PDE4B: variants seen among roughly 807,000 people sequenced by gnomAD.
The protein encoded by PDE4B is 3',5'-cyclic-AMP phosphodiesterase 4B.
Under a neutral mutation model 82.2 loss-of-function variants are expected in PDE4B, and 20 were observed. That is an observed-to-expected ratio of 0.24 (90% CI 0.17 to 0.35). The LOEUF (loss-of-function observed/expected upper bound fraction) is 0.35, where lower values mean the gene tolerates loss of function less well. PDE4B is among the 10% of genes least tolerant of loss of function. The probability of loss-of-function intolerance (pLI) is 1.00; values close to 1 mark genes in which losing one functional copy is unlikely to be tolerated. For missense variants in PDE4B, 655 were observed against 907.2 expected (o/e 0.72, Z 3.57); for synonymous variants, 320 against 318.9 (o/e 1.00, Z -0.04).
intron 3 of PDE4B, among the ~76,000 whole-genome samples, chr1:66,018,655 T>C (rs1652914753): frequency 6.6e-6 from 1 of 152,146 alleles, no homozygotes; most frequent in Non-Finnish European, 1.5e-5. Context: ...ATTCTTCAAA[T>C]AATTCAATTT....
Position 66,336,651 on chromosome 1 carries a change from C to CT in PDE4B, c.747+4040dup, listed in dbSNP as rs5774809. 1.9e-4 allele frequency among the ~76,000 whole-genome samples: 29 copies of CT among 151,710 alleles called. No homozygotes were observed. In the South Asian group the frequency reaches 2.3e-3, roughly 12 times the overall value. ...TGAAGAGTGGCCCTGTGTATTAGTA[C>CT]TTTTTTTTTAGAATGAAGCATTAGG... is the stretch of plus-strand genomic sequence containing the variant. On this transcript the variant is annotated intron_variant, in intron 8 of 16. Coordinates refer to ENST00000341517, the MANE Select transcript of PDE4B (RefSeq NM_002600.4).
chr1:65,934,576 C>A (rs1274986417), intron 3 of PDE4B, among the ~76,000 whole-genome samples: 3 of 152,094 alleles, frequency 2.0e-5, no homozygotes, highest in Non-Finnish European at 4.4e-5. Flanking sequence ...ATTCCTCAAC[C>A]AAAAGACAAA....
At chr1:65,892,974 C>G (rs2100392081) in intron 1 of PDE4B, among the ~76,000 whole-genome samples, 1 of 151,846 alleles carries the variant, frequency 6.6e-6, no homozygotes, top group African/African-American at 2.4e-5. Flanking sequence ...ATAAACATTA[C>G]CATGAAAGTA....
intron 3 of PDE4B, among the ~76,000 whole-genome samples, chr1:65,983,097 G>A (rs1650771827): frequency 6.6e-6 from 1 of 152,180 alleles, no homozygotes; most frequent in Non-Finnish European, 1.5e-5. Context: ...TTCGTGCTAG[G>A]TTTTGGACTT....
At chr1:66,064,298 C>T (rs1655732020) in intron 3 of PDE4B, among the ~76,000 whole-genome samples, 1 of 151,654 alleles carries the variant, frequency 6.6e-6, no homozygotes, top group Non-Finnish European at 1.5e-5. Context: ...AGTGGGAAGC[C>T]TAGGTCTGAA....
At chr1:66,119,460 G>A (rs1645664434) in intron 3 of PDE4B, among the ~76,000 whole-genome samples, 1 of 151,524 alleles carries the variant, frequency 6.6e-6, no homozygotes, top group African/African-American at 2.4e-5. Flanking sequence ...TCAGACTGTA[G>A]AGAGAAAAGA....
At chr1:66,164,819 C>G (rs911480775) in intron 3 of PDE4B, among the ~76,000 whole-genome samples, 1 of 144,650 alleles carries the variant, frequency 6.9e-6, no homozygotes, top group Admixed American at 7.0e-5. Flanking sequence ...TGCAGTGGCG[C>G]GCAATCTCAG....
intron 8 of PDE4B, among the ~76,000 whole-genome samples, chr1:66,343,713 G>A (rs1413982913): frequency 1.3e-5 from 2 of 152,174 alleles, no homozygotes; most frequent in East Asian, 3.9e-4. Flanking sequence ...GTTGATTTTT[G>A]GTTTATTTTA....
chr1:65,820,109 A>G (rs796672710), intron 1 of PDE4B, among the ~76,000 whole-genome samples: 63 of 152,320 alleles, frequency 4.1e-4, no homozygotes, highest in African/African-American at 1.4e-3. Context: ...GCAACAGTAT[A>G]TATCTTTCAG....
intron 3 of PDE4B, among the ~76,000 whole-genome samples, chr1:65,928,590 G>A (rs926053725): frequency 6.6e-6 from 1 of 152,118 alleles, no homozygotes; most frequent in Non-Finnish European, 1.5e-5. Context: ...TGTTAGATCT[G>A]ACATACAGAG....
intron 3 of PDE4B, among the ~76,000 whole-genome samples, chr1:66,200,177 A>G (rs1265572653): frequency 6.6e-6 from 1 of 152,116 alleles, no homozygotes; most frequent in Non-Finnish European, 1.5e-5. Flanking sequence ...ATTATTTCCG[A>G]GGGTTCTGTT....
At chr1:66,122,162 G>C (rs1402105747) in intron 3 of PDE4B, among the ~76,000 whole-genome samples, 1 of 152,152 alleles carries the variant, frequency 6.6e-6, no homozygotes, top group African/African-American at 2.4e-5. Context: ...TAGCTTCTTT[G>C]AGCGTCCATT....
intron 3 of PDE4B, among the ~76,000 whole-genome samples, chr1:65,946,911 G>A (rs929138751): frequency 3.9e-5 from 6 of 151,994 alleles, no homozygotes; most frequent in Admixed American, 3.9e-4. Flanking sequence ...TCAAAGCTAG[G>A]AGGCAAGATA....
At chr1:66,327,547 T>C (rs1659827752) in intron 7 of PDE4B, among the ~76,000 whole-genome samples, 2 of 152,240 alleles carry the variant, frequency 1.3e-5, no homozygotes, top group African/African-American at 4.8e-5. Context: ...ATATATTTAA[T>C]ACTAAAAGGT....
At chr1:66,349,482 AG>A (rs1408674524) in intron 8 of PDE4B, among the ~76,000 whole-genome samples, 1 of 152,152 alleles carries the variant, frequency 6.6e-6, no homozygotes, top group Non-Finnish European at 1.5e-5. Context: ...GGCACACCAA[AG>A]GTTTGCTGCA....
intron 3 of PDE4B, among the ~76,000 whole-genome samples, chr1:66,051,174 T>C (rs1655006186): frequency 6.6e-6 from 1 of 152,022 alleles, no homozygotes; most frequent in Admixed American, 6.6e-5. Context: ...AACCTGCACG[T>C]TGTGCACATG....
At chr1:65,889,079 A>AT (rs1247354395) in intron 1 of PDE4B, among the ~76,000 whole-genome samples, 1 of 152,060 alleles carries the variant, frequency 6.6e-6, no homozygotes, top group African/African-American at 2.4e-5. Context: ...TCTTTGTGGT[A>AT]TATGGCCCTC....
chr1:65,833,255 A>C (rs1458732810), intron 1 of PDE4B, among the ~76,000 whole-genome samples: 1 of 152,198 alleles, frequency 6.6e-6, no homozygotes, highest in Non-Finnish European at 1.5e-5. Context: ...CTCGAATACA[A>C]GCTTACAGAG....
At chr1:65,821,471 G>C (rs895563257) in intron 1 of PDE4B, among the ~76,000 whole-genome samples, 8 of 152,154 alleles carry the variant, frequency 5.3e-5, no homozygotes, top group African/African-American at 1.9e-4. Context: ...AGGGCTAGAA[G>C]CTGTCTCCTA....
Sources: allele counts gnomAD v4.1 joint callset (sites outside exome capture counted in the v4.1 genomes callset), GRCh38; gene constraint gnomAD v4.1.1; transcripts MANE v1.5; gene names NCBI Gene and HGNC (gene_info 2026-07-23, HGNC 2026-07-21).